Variants in MAP7D2 observed in about 807,000 individuals in gnomAD.
MAP7D2 encodes the protein MAP7 domain containing 2.
Under a neutral mutation model 63.5 loss-of-function variants are expected in MAP7D2, and 33 were observed. The observed-to-expected ratio is 0.52, with a 90% CI of 0.39 to 0.70. The LOEUF (loss-of-function observed/expected upper bound fraction) is 0.70. MAP7D2 is among the 30% of genes least tolerant of loss of function. The pLI, the probability that MAP7D2 is intolerant of heterozygous loss-of-function variation, is 0.00. For missense variants in MAP7D2, 626 were observed against 604.0 expected, an observed-to-expected ratio of 1.04 and a Z score of -0.38; for synonymous variants, 224 against 223.7, an observed-to-expected ratio of 1.00 and a Z score of -0.01.
At chrX:20,099,235 A>ACTCTCT (rs72039188) in intron 1 of MAP7D2, among the ~76,000 whole-genome samples, 3 of 93,632 alleles carry the variant, frequency 3.2e-5, no homozygotes, top group African/African-American at 1.2e-4. Context: ...GCAAGTTTAT[A>ACTCTCT]CTCTCTCTCT....
intron 10 of MAP7D2, chrX:20,017,317 T>C (rs2073433877): frequency 8.9e-6 from 1 of 112,528 alleles, no homozygotes; most frequent in Non-Finnish European, 1.9e-5. Flanking sequence ...TTAAAATGAA[T>C]CCTCTCTCCA....
At chrX:20,065,894 A>G (rs752983743) in intron 1 of MAP7D2, among the ~76,000 whole-genome samples, 1 of 108,543 alleles carries the variant, frequency 9.2e-6, no homozygotes, top group South Asian at 3.8e-4. Context: ...TATATTATGT[A>G]TATAATATTT....
rs2073060275 is a variant in MAP7D2 at position 20,007,997 on chromosome X, T to C, written c.*428A>G. 1.8e-5 allele frequency: 2 copies of C among 112,099 alleles called. No homozygotes were observed. The highest frequency in any genetic ancestry group is 3.8e-5 in the Non-Finnish European group (2 of 53,241). The allele number at this position is 112,099 out of a possible 1,213,427, so 9.2% of individuals were successfully genotyped here. A position where few individuals can be genotyped will look rare whatever the true frequency, so the allele number is the denominator to read the frequency against. Reference sequence around the variant, plus strand: ...ATATACAGTGCAAGTTGAGTATATGTTGAACTAGAGTTTGGGTAAATGTCT... The same window carrying C: ...ATATACAGTGCAAGTTGAGTATATGCTGAACTAGAGTTTGGGTAAATGTCT... On this transcript the variant is annotated 3_prime_UTR_variant, in exon 17 of 17. Transcript: ENST00000379643.
At chrX:20,040,378 G>C (rs997203681) in intron 8 of MAP7D2, among the ~76,000 whole-genome samples, 2 of 111,973 alleles carry the variant, frequency 1.8e-5, no homozygotes, top group Non-Finnish European at 3.8e-5. Flanking sequence ...CTTATGGTTT[G>C]TGTGTTCACT....
intron 1 of MAP7D2, among the ~76,000 whole-genome samples, chrX:20,094,983 A>G (rs1416357479): frequency 9.1e-6 from 1 of 109,414 alleles, no homozygotes; most frequent in Non-Finnish European, 1.9e-5. Context: ...GGCCGGGCAC[A>G]GTAGCTCACG....
At chrX:20,045,527 G>GAAAAAAAAAAAAAAAA (rs1170223479) in intron 6 of MAP7D2, among the ~76,000 whole-genome samples, 1 of 18,014 alleles carries the variant, frequency 5.6e-5, no homozygotes, top group Non-Finnish European at 9.2e-5. Context: ...ACCCCATCTC[G>GAAAAAAAAAAAAAAAA]AAAAAAAAAA....
At chrX:20,060,949 G>A (rs1430096517) in intron 3 of MAP7D2, among the ~76,000 whole-genome samples, 1 of 109,058 alleles carries the variant, frequency 9.2e-6, no homozygotes, top group Non-Finnish European at 1.9e-5. Flanking sequence ...GGGCAGGGCT[G>A]GGGTGGGGTC....
At chrX:20,049,791 T>C (rs904867699) in intron 6 of MAP7D2, 6 of 306,979 alleles carry the variant, frequency 2.0e-5, no homozygotes, top group African/African-American at 1.4e-4. Context: ...TCATTTTACA[T>C]TCCCACCAGC....
intron 2 of MAP7D2, among the ~76,000 whole-genome samples, 176 bp downstream of exon 2, chrX:20,064,552 T>C (rs2065302598): frequency 8.9e-6 from 1 of 112,282 alleles, no homozygotes; most frequent in Admixed American, 9.4e-5. Context: ...TGAACTATTC[T>C]GAAAATTACC....
chrX:20,113,722 T>C (rs2066811553), intron 1 of MAP7D2, among the ~76,000 whole-genome samples: 1 of 111,079 alleles, frequency 9.0e-6, no homozygotes, highest in Non-Finnish European at 1.9e-5. Context: ...TAGGTGCATA[T>C]ATTTCTGGGG....
chrX:20,101,287 G>C (rs187775350), intron 1 of MAP7D2, among the ~76,000 whole-genome samples: 4 of 112,411 alleles, frequency 3.6e-5, no homozygotes, highest in African/African-American at 1.3e-4. Flanking sequence ...TCCTATCACA[G>C]AATGGAACCT....
At chrX:20,092,911 C>T (rs147064606) in intron 1 of MAP7D2, among the ~76,000 whole-genome samples, 2 of 112,377 alleles carry the variant, frequency 1.8e-5, no homozygotes, top group African/African-American at 6.5e-5. Context: ...TACATCTGGA[C>T]ACTACATTTG....
chrX:20,076,445 C>T (rs2065644142), intron 1 of MAP7D2, among the ~76,000 whole-genome samples: 1 of 111,844 alleles, frequency 8.9e-6, no homozygotes, highest in Admixed American at 9.5e-5. Context: ...GTGGCTCATG[C>T]CTGTAATCCC....
At chrX:20,107,836 G>A (rs978728240) in intron 1 of MAP7D2, among the ~76,000 whole-genome samples, 2 of 111,172 alleles carry the variant, frequency 1.8e-5, no homozygotes, top group Non-Finnish European at 3.8e-5. Context: ...ACTTATTTTC[G>A]CTTAGTTTTT....
intron 8 of MAP7D2, among the ~76,000 whole-genome samples, chrX:20,035,781 C>T (rs748759169): frequency 6.4e-5 from 7 of 110,034 alleles, no homozygotes; most frequent in African/African-American, 1.0e-4. Context: ...GGTGTGGTGG[C>T]GCGCACCAGT....
At chrX:20,098,275 G>C (rs1394948623) in intron 1 of MAP7D2, among the ~76,000 whole-genome samples, 1 of 112,226 alleles carries the variant, frequency 8.9e-6, no homozygotes, top group Non-Finnish European at 1.9e-5. Context: ...ACTAACCTGT[G>C]GCCAGGTCCT....
At chrX:20,032,781 C>T (rs947386726) in intron 8 of MAP7D2, among the ~76,000 whole-genome samples, 1 of 111,779 alleles carries the variant, frequency 8.9e-6, no homozygotes, top group Non-Finnish European at 1.9e-5. Flanking sequence ...TCTAGGTTGG[C>T]CCGACTGCTT....
intron 8 of MAP7D2, among the ~76,000 whole-genome samples, chrX:20,040,806 G>A (rs2064634668): frequency 9.0e-6 from 1 of 111,110 alleles, no homozygotes; most frequent in African/African-American, 3.3e-5. Flanking sequence ...TAATAATAAT[G>A]AAGTTTGGAT....
chrX:20,044,064 C>T lies in MAP7D2; in HGVS notation c.879+300G>A, dbSNP rs372922679. On this transcript the variant is annotated intron_variant, in intron 7 of 16. Coordinates refer to ENST00000379643, the MANE Select transcript of MAP7D2 (RefSeq NM_001168465.2). ...CAAGACTGACCCAGAATCAGATATC[C>T]GTAACGAGGAAGACAGAGGATATTT... 6.2e-5 allele frequency among the ~76,000 whole-genome samples: 7 copies of T among 112,184 alleles called. No individual in the cohort carries two copies. In the East Asian group the frequency reaches 1.7e-3, roughly 27 times the overall value.
Sources: allele counts gnomAD v4.1 joint callset (sites outside exome capture counted in the v4.1 genomes callset), GRCh38; gene constraint gnomAD v4.1.1; transcripts MANE v1.5; gene names NCBI Gene and HGNC (gene_info 2026-07-23, HGNC 2026-07-21).